Variants in OAT observed in about 807,000 individuals in gnomAD.
OAT encodes the protein ornithine aminotransferase.
In OAT, 35 loss-of-function variants were observed where a neutral mutation model predicts 48.4. The observed-to-expected ratio is 0.72, with a 90% CI of 0.55 to 0.96. OAT has a LOEUF of 0.96. OAT is among the 40% of genes least tolerant of loss of function. The pLI is 0.00. For missense variants in OAT, 438 were observed against 537.9 expected (o/e 0.81, Z 1.84); for synonymous variants, 182 against 198.4 (o/e 0.92, Z 0.70).
intron 6 of OAT, among the ~76,000 whole-genome samples, 191 bp downstream of exon 6, chr10:124,403,607 T>C (rs1410059964): frequency 6.6e-6 from 1 of 152,230 alleles, no homozygotes; most frequent in African/African-American, 2.4e-5. Context: ...AGTCTGCTTC[T>C]GTGCAGGTTT....
intron 2 of OAT, among the ~76,000 whole-genome samples, chr10:124,409,461 G>C (rs867935213): frequency 6.6e-6 from 1 of 152,048 alleles, no homozygotes; most frequent in African/African-American, 2.4e-5. Flanking sequence ...TGAGGTGGGA[G>C]GATTGCTTGA....
chr10:124,408,338 TA>T lies in OAT; in HGVS notation c.520+203del, dbSNP rs1564736122. 5.1e-4 allele frequency among the ~76,000 whole-genome samples: 52 copies of T among 101,378 alleles called. 1 individual carries two copies. Among genetic ancestry groups the T allele is most frequent in the African/African-American group, 1.7e-3 (50 of 29,190 alleles). 66.5% of individuals were successfully genotyped at this position (101,378 alleles called of 152,430 possible). On this transcript the variant is annotated intron_variant, in intron 4 of 9. Transcript: ENST00000368845. ...GTGTGTATATATATATATATATATA[TA>T]TATATTTTTTTTTTTTTTTTTTAAA... is the stretch of plus-strand genomic sequence containing the variant.
chr10:124,403,481 A>G, intron 6 of OAT: 1 of 438,518 alleles, frequency 2.3e-6, no homozygotes, highest in Non-Finnish European at 4.2e-6. Flanking sequence ...AGAATACAAC[A>G]AAGGGCTTGC....
chr10:124,415,058 C>A (rs1951877234), intron 1 of OAT: 1 of 77,994 alleles, frequency 1.3e-5, no homozygotes, highest in African/African-American at 5.2e-5. Flanking sequence ...GCACTCCAGC[C>A]TGGGCTACAA....
intron 5 of OAT, among the ~76,000 whole-genome samples, chr10:124,404,705 C>T (rs1951522615): frequency 6.6e-6 from 1 of 152,176 alleles, no homozygotes; most frequent in African/African-American, 2.4e-5. Flanking sequence ...GGATTACAGG[C>T]ATGTACCACC....
chr10:124,409,410 C>T (rs1219764797), intron 2 of OAT, among the ~76,000 whole-genome samples: 1 of 152,022 alleles, frequency 6.6e-6, no homozygotes, highest in African/African-American at 2.4e-5. Context: ...CAGAAAAATG[C>T]TGGGCATGGT....
chr10:124,407,552 C>T (rs1951619897), intron 4 of OAT: 1 of 586,064 alleles, frequency 1.7e-6, no homozygotes, highest in African/African-American at 2.0e-5. Flanking sequence ...GAATACCAAT[C>T]TGTCCCCTCA....
intron 8 of OAT, 39 bp downstream of exon 8, chr10:124,401,687 T>C (rs1172670233): frequency 7.4e-7 from 1 of 1,353,988 alleles, no homozygotes; most frequent in South Asian, 1.2e-5. Flanking sequence ...TCAACATTGC[T>C]TTAAAGAATA....
chr10:124,400,940 G>A lies in OAT; in HGVS notation c.1059C>T (p.Gly353=), dbSNP rs773141549. The A allele has an allele frequency of 1.2e-6, 2 of 1,610,652 alleles. No individual in the cohort carries two copies. Among genetic ancestry groups the A allele is most frequent in the Non-Finnish European group, 8.5e-7 (1 of 1,178,270 alleles). ...ENLAENADKL[G]IILRNELMKL... The stretch of plus-strand genomic sequence containing the variant: ...TCATGAGTTCATTTCTCAAGATAAT[G>A]CCCAATTTGTCTGCATTTTCAGCAA... Residue 353 remains glycine (G), a synonymous_variant, in exon 9 of 10, where the codon GGC becomes GGT. Coordinates refer to ENST00000368845, the MANE Select transcript of OAT (RefSeq NM_000274.4).
chr10:124,402,619 T>C (rs942467026), intron 7 of OAT, among the ~76,000 whole-genome samples: 2 of 152,218 alleles, frequency 1.3e-5, no homozygotes, highest in Admixed American at 6.5e-5. Context: ...ATTAGTAATA[T>C]GCCATGTTTC....
At chr10:124,405,191 G>A (rs979526579) in intron 5 of OAT, among the ~76,000 whole-genome samples, 14 of 152,132 alleles carry the variant, frequency 9.2e-5, no homozygotes, top group South Asian at 4.1e-4. Flanking sequence ...CAGGTATACC[G>A]AAGTTAACTG....
rs1951533035 is a variant in OAT, at chr10:124,405,053, A to T, written c.648+383T>A. On this transcript the variant is annotated intron_variant, in intron 5 of 9. Transcript: ENST00000368845. ...AGTGAGACTCTGTCTCAAAAAAAGA[A>T]ATTAATTACTTAAATTAAATCTAAA... Among the ~76,000 whole-genome samples the T allele has an allele frequency of 2.0e-5, 3 of 152,218 alleles. No individual in the cohort carries two copies. The South Asian group carries it at 6.2e-4, about 31-fold the overall frequency.
At chr10:124,403,297 C>T in intron 6 of OAT, 1 of 574,480 alleles carries the variant, frequency 1.7e-6, no homozygotes, top group Non-Finnish European at 3.1e-6. Flanking sequence ...CCCTGCTCTA[C>T]ATAGTGAAAA....
Position 124,402,989 on chromosome 10 carries a change from A to T in OAT, c.838T>A (p.Tyr280Asn). Reference sequence around the variant, plus strand: ...ACTATATCAGGTCTGACATTTTCATAATCAACAGCCAGCCATCTACCAGTT... The same window carrying T: ...ACTATATCAGGTCTGACATTTTCATTATCAACAGCCAGCCATCTACCAGTT... Reference protein sequence around the residue: ...ARTGRWLAVDYENVRPDIVLL... With the variant: ...ARTGRWLAVDNENVRPDIVLL... The change falls in exon 7 of 10, where the codon TAT (tyrosine) becomes AAT (asparagine). Residue 280 changes from tyrosine to asparagine, a missense_variant. Physicochemically the swap from Tyr to Asn is moderately radical, Grantham distance 143 (BLOSUM62 -2). Transcript: ENST00000368845. 1 of 1,614,144 alleles carries T rather than the reference A, an allele frequency of 6.2e-7. No individual in the cohort carries two copies. Among genetic ancestry groups the T allele is most frequent in the Non-Finnish European group, 8.5e-7 (1 of 1,180,006 alleles).
At chr10:124,408,520 G>A in intron 4 of OAT, 22 bp downstream of exon 4, 1 of 1,556,176 alleles carries the variant, frequency 6.4e-7, no homozygotes, top group African/African-American at 1.4e-5. Context: ...AATCATAGAA[G>A]TTAATATTTA....
intron 4 of OAT, chr10:124,406,905 T>C (rs1951596250): frequency 2.1e-6 from 2 of 960,592 alleles, no homozygotes; most frequent in Non-Finnish European, 2.5e-6. Context: ...ACACCTGACA[T>C]AAACCAGTAA....
chr10:124,410,863 G>C (rs1206346425), intron 2 of OAT, among the ~76,000 whole-genome samples: 4 of 151,978 alleles, frequency 2.6e-5, no homozygotes, highest in Non-Finnish European at 5.9e-5. Flanking sequence ...TCATGTGGCG[G>C]GGCGCGGTGG....
chr10:124,413,685 AAAAC>A (rs943472992), intron 1 of OAT, among the ~76,000 whole-genome samples: 55 of 152,334 alleles, frequency 3.6e-4, no homozygotes, highest in African/African-American at 9.1e-4. Context: ...TCCGTCTCAA[AAAAC>A]AAACAAACAA....
At chr10:124,409,329 C>T (rs1005355323) in intron 2 of OAT, among the ~76,000 whole-genome samples, 1 of 152,148 alleles carries the variant, frequency 6.6e-6, no homozygotes, top group African/African-American at 2.4e-5. Context: ...CTTTGGGAGA[C>T]CAAGGCAGGG....
Sources: gnomAD v4.1 joint callset for allele counts (sites outside exome capture counted in the v4.1 genomes callset) on GRCh38, gnomAD v4.1.1 for gene constraint, MANE v1.5 for transcripts, NCBI Gene and HGNC (gene_info 2026-07-23, HGNC 2026-07-21) for gene names.